Variants in RBFOX3 observed in about 807,000 individuals in gnomAD.
RBFOX3 encodes RNA binding fox-1 homolog 3.
Under a neutral mutation model 48.7 loss-of-function variants are expected in RBFOX3, and 17 were observed. The observed-to-expected ratio is 0.35, with a 90% confidence interval of 0.24 to 0.52. The LOEUF is 0.52. RBFOX3 is among the 20% of genes least tolerant of loss of function. The probability of loss-of-function intolerance (pLI) is 0.94; values close to 1 mark genes in which losing one functional copy is unlikely to be tolerated. For missense variants in RBFOX3, 382 were observed against 497.5 expected (o/e 0.77, Z 2.21); for synonymous variants, 212 against 209.5 (o/e 1.01, Z -0.10).
chr17:79,126,818 T>A (rs941636378), intron 4 of RBFOX3, among the ~76,000 whole-genome samples: 2 of 152,178 alleles, frequency 1.3e-5, no homozygotes, highest in African/African-American at 4.8e-5. Flanking sequence ...TGACCGGTGC[T>A]TTACTAACGA....
At position 79,523,606 on chromosome 17, in the gene RBFOX3, C is replaced by T. The variant is rs972005839; in HGVS notation, c.-319-41008G>A. 3.3e-5 allele frequency among the ~76,000 whole-genome samples: 5 copies of T among 152,256 alleles called. No homozygotes were observed. In the South Asian group the frequency reaches 6.2e-4, roughly 19 times the overall value. ...GCCACCAAAGAGAGGATGTGATCAA[C>T]GGCCCCATTGGTTCATGGACAGAGA... On this transcript the variant is annotated intron_variant, in intron 1 of 14. Coordinates refer to ENST00000693108, the MANE Select transcript of RBFOX3 (RefSeq NM_001350451.2).
intron 2 of RBFOX3, among the ~76,000 whole-genome samples, chr17:79,461,549 C>G (rs2075368013): frequency 6.6e-6 from 1 of 152,190 alleles, no homozygotes; most frequent in Non-Finnish European, 1.5e-5. Context: ...TGAAGTGTCC[C>G]CAGCCCTGCT....
At chr17:79,187,180 T>C (rs2053579330) in intron 4 of RBFOX3, among the ~76,000 whole-genome samples, 1 of 152,218 alleles carries the variant, frequency 6.6e-6, no homozygotes, top group Non-Finnish European at 1.5e-5. Flanking sequence ...GTATTTCTTT[T>C]GACCCCTACC....
At chr17:79,190,432 C>CTACACCAAA in intron 4 of RBFOX3, among the ~76,000 whole-genome samples, 1 of 114,750 alleles carries the variant, frequency 8.7e-6, no homozygotes, top group East Asian at 2.5e-4. Flanking sequence ...AAAAAAAAAA[C>CTACACCAAA]AAAAAAACAG....
intron 4 of RBFOX3, among the ~76,000 whole-genome samples, chr17:79,129,758 C>T (rs1402241688): frequency 6.6e-6 from 1 of 152,252 alleles, no homozygotes; most frequent in Non-Finnish European, 1.5e-5. Context: ...GGTGTAAATA[C>T]TCCCACCATT....
At chr17:79,500,197 C>G (rs2082198924) in intron 1 of RBFOX3, among the ~76,000 whole-genome samples, 2 of 151,736 alleles carry the variant, frequency 1.3e-5, no homozygotes, top group African/African-American at 4.8e-5. Context: ...GGAGACCAGC[C>G]AGGGTCAGCC....
intron 2 of RBFOX3, among the ~76,000 whole-genome samples, chr17:79,436,600 G>T (rs1204282624): frequency 6.6e-6 from 1 of 152,196 alleles, no homozygotes; most frequent in Non-Finnish European, 1.5e-5. Flanking sequence ...TGGGAGGCAG[G>T]CAGCAGTACG....
At position 79,204,845 on chromosome 17, in the gene RBFOX3, G is replaced by A. The variant is rs533628146; in HGVS notation, c.-34+30921C>T. Among the ~76,000 whole-genome samples the A allele has an allele frequency of 7.0e-4, 106 of 152,260 alleles. 1 individual carries two copies. The South Asian group carries it at 9.1e-3, about 13-fold the overall frequency. The stretch of plus-strand genomic sequence containing the variant: ...AGGCAAGTTGGAATTAAATACCACC[G>A]TGGTCAGCCAGGCTTTGGAGATGAC... On this transcript the variant is annotated intron_variant, in intron 4 of 14. Transcript: ENST00000693108. This position sits in a 1 kb window ranked among gnomAD's most constrained non-coding sequence, Gnocchi z 4.5.
chr17:79,477,941 G>A lies in RBFOX3; in HGVS notation c.-175+4513C>T, dbSNP rs1208521019. ...AACGTCCTTCAGCTGGGCACCGCCT[G>A]TTCCACCCAGGAGCACCTAGGACGA... On this transcript the variant is annotated intron_variant, in intron 2 of 14. Coordinates refer to ENST00000693108, the MANE Select transcript of RBFOX3 (RefSeq NM_001350451.2). The surrounding 1 kb of genome is among the most constrained non-coding windows in gnomAD (Gnocchi z 4.8). Among the ~76,000 whole-genome samples, 1 of 152,162 alleles carries A rather than the reference G, an allele frequency of 6.6e-6. No individual in the cohort carries two copies. Among genetic ancestry groups the A allele is most frequent in the East Asian group, 1.9e-4 (1 of 5,172 alleles).
At chr17:79,657,197 A>G in the RBFOX3 span, among the ~76,000 whole-genome samples, 2 of 152,234 alleles carry the variant, frequency 1.3e-5, no homozygotes, top group Non-Finnish European at 2.9e-5. Flanking sequence ...GGAAGCAGCC[A>G]CACGGCAAAT....
At chr17:79,176,827 G>A (rs1323942511) in intron 4 of RBFOX3, among the ~76,000 whole-genome samples, 1 of 152,096 alleles carries the variant, frequency 6.6e-6, no homozygotes, top group African/African-American at 2.4e-5. Flanking sequence ...AAAGGGAGAA[G>A]ATTAAAAGCA....
At position 79,205,782 on chromosome 17, in the gene RBFOX3, T is replaced by C. The variant is rs1388049893; in HGVS notation, c.-34+29984A>G. ...GCCTCTATTACTTGGTATATGGTGA[T>C]TGATATGGAAAATGTATTTTCCAGT... On this transcript the variant is annotated intron_variant, in intron 4 of 14. Coordinates refer to ENST00000693108, the MANE Select transcript of RBFOX3 (RefSeq NM_001350451.2). The surrounding 1 kb of genome is among the most constrained non-coding windows in gnomAD (Gnocchi z 4.5). Among the ~76,000 whole-genome samples the C allele has an allele frequency of 6.6e-6, 1 of 151,784 alleles. No homozygotes were observed. The highest frequency in any genetic ancestry group is 2.4e-5 in the African/African-American group (1 of 41,332).
the RBFOX3 span, among the ~76,000 whole-genome samples, chr17:79,657,309 A>T: frequency 6.6e-6 from 1 of 151,922 alleles, no homozygotes; most frequent in African/African-American, 2.4e-5. Flanking sequence ...CCCCACCCCC[A>T]CACACTCCCA....
intron 4 of RBFOX3, among the ~76,000 whole-genome samples, chr17:79,169,944 G>A (rs2048808838): frequency 6.6e-6 from 1 of 151,610 alleles, no homozygotes; most frequent in South Asian, 2.1e-4. Flanking sequence ...GAGAAGGAAA[G>A]AAGGAAAAGA....
chr17:79,367,714 G>A, intron 2 of RBFOX3, among the ~76,000 whole-genome samples: 1 of 152,112 alleles, frequency 6.6e-6, no homozygotes, highest in Non-Finnish European at 1.5e-5. Context: ...CAGGCAAAGG[G>A]AGCCACGGCC....
chr17:79,255,425 T>G (rs1021822308), intron 3 of RBFOX3, among the ~76,000 whole-genome samples: 4 of 152,032 alleles, frequency 2.6e-5, no homozygotes, highest in Non-Finnish European at 4.4e-5. Flanking sequence ...CACAGGGGCA[T>G]AGTCCCTGTC....
Position 79,228,032 on chromosome 17 carries a change from C to G in RBFOX3, c.-34+7734G>C, listed in dbSNP as rs1600115276. On this transcript the variant is annotated intron_variant, in intron 4 of 14. Transcript: ENST00000693108. ...GTAAGGCCTGCAGGGTCAGAAGGAC[C>G]CAGGTGTGGGCAGCCAGGCTGGCCA... 2.6e-5 allele frequency among the ~76,000 whole-genome samples: 4 copies of G among 152,312 alleles called. No individual in the cohort carries two copies. In the South Asian group the frequency reaches 6.2e-4, roughly 24 times the overall value.
At chr17:79,617,875 G>A in the RBFOX3 span, among the ~76,000 whole-genome samples, 8 of 152,194 alleles carry the variant, frequency 5.3e-5, no homozygotes, top group African/African-American at 1.2e-4. Flanking sequence ...TGCCTACTGC[G>A]CCAGCCCCAC....
intron 4 of RBFOX3, among the ~76,000 whole-genome samples, chr17:79,124,151 G>GA (rs1378405368): frequency 6.6e-6 from 1 of 152,248 alleles, no homozygotes; most frequent in Non-Finnish European, 1.5e-5. Context: ...ACCACACTGG[G>GA]AGTCTGAAAT....
Sources: gnomAD v4.1 joint callset for allele counts (sites outside exome capture counted in the v4.1 genomes callset) on GRCh38, gnomAD v4.1.1 for gene constraint, Gnocchi (gnomAD v3.1) non-coding constraint, MANE v1.5 for transcripts, NCBI Gene and HGNC (gene_info 2026-07-23, HGNC 2026-07-21) for gene names.